The following SNED1 variants were observed in gnomAD, a reference collection of about 807,000 sequenced individuals.
The protein encoded by SNED1 is sushi, nidogen and EGF like domains 1, also known as sushi, nidogen and EGF-like domain-containing protein 1.
In SNED1, 81 loss-of-function variants were observed where a neutral mutation model predicts 166.7. The observed-to-expected ratio is 0.49, with a 90% CI of 0.41 to 0.58. The LOEUF (loss-of-function observed/expected upper bound fraction) is 0.58. Ranked by LOEUF, SNED1 falls within the 20% of genes least tolerant of loss-of-function variation. The pLI, the probability that SNED1 is intolerant of heterozygous loss-of-function variation, is 0.00. For missense variants in SNED1, 1,604 were observed against 2,000.2 expected (o/e 0.80, Z 3.78); for synonymous variants, 762 against 822.0 (o/e 0.93, Z 1.25).
In SNED1 at chr2:241,049,927, G is replaced by A. The variant is rs1574986027; in HGVS notation, c.1729G>A (p.Glu577Lys). ...CPRGFHGKHC[E>K]KARPHLCSSG... is the part of the protein sequence containing the mutation. ...GCGCGGGTTCCACGGCAAGCACTGC[G>A]AGAAAGGTATGGCGGGCAGGGGCGT... Residue 577 changes from glutamate to lysine, a missense_variant, in exon 12 of 32, where the codon GAG becomes AAG. Around this residue, in one of 2 missense-constraint regions of SNED1, gnomAD observed 1,237 missense variants for 1,620.8 expected, o/e 0.76. Transcript: ENST00000310397. The A allele has an allele frequency of 2.5e-6, 4 of 1,613,136 alleles. No homozygotes were observed. The highest frequency in any genetic ancestry group is 3.4e-6 in the Non-Finnish European group (4 of 1,179,284).
chr2:241,062,785 T>C lies in SNED1; in HGVS notation c.2258-6T>C. On this transcript the variant is annotated splice_polypyrimidine_tract_variant and splice_region_variant and intron_variant, in intron 16 of 31. Coordinates refer to ENST00000310397, the MANE Select transcript of SNED1 (RefSeq NM_001080437.3). ...ATTGCTTTATTCTTGGGCTCTCTCC[T>C]CTCAGAAATCGATGAGTGCCGGTCT... is the stretch of plus-strand genomic sequence containing the variant. 1 of 1,600,662 alleles carries C rather than the reference T, an allele frequency of 6.2e-7. No homozygotes were observed. Among genetic ancestry groups the C allele is most frequent in the Non-Finnish European group, 8.5e-7 (1 of 1,171,706 alleles).
chr2:241,065,943 G>A (rs1428779568), intron 21 of SNED1, among the ~76,000 whole-genome samples: 4 of 150,704 alleles, frequency 2.7e-5, no homozygotes, highest in South Asian at 2.1e-4. Context: ...CAGGGGCCGC[G>A]GGGGTGGGCT....
In SNED1 at chr2:241,053,144, G is replaced by C; in HGVS notation, c.2084-9G>C. 2 of 1,607,116 alleles carry C rather than the reference G, an allele frequency of 1.2e-6. No individual in the cohort carries two copies. Among genetic ancestry groups the C allele is most frequent in the Admixed American group, 1.7e-5 (1 of 59,440 alleles). On this transcript the variant is annotated splice_polypyrimidine_tract_variant and intron_variant, in intron 15 of 31. Transcript: ENST00000310397. ...AGGACCGTGCGAGACAGGCTGCCGT[G>C]CCTTGCAGAGGTGGACTGCGGCCCC...
At chr2:241,065,818 T>G (rs1008969029) in intron 21 of SNED1, among the ~76,000 whole-genome samples, 2 of 151,880 alleles carry the variant, frequency 1.3e-5, no homozygotes, top group African/African-American at 4.8e-5. Flanking sequence ...TTGGGGCGCA[T>G]AGAATCGAGC....
At position 241,033,724 on chromosome 2, in the gene SNED1, C is replaced by T. The variant is rs781541128; in HGVS notation, c.502-11C>T. The T allele has an allele frequency of 1.2e-6, 2 of 1,609,024 alleles. No homozygotes were observed. The highest frequency in any genetic ancestry group is 1.3e-5 in the African/African-American group (1 of 75,020). The stretch of plus-strand genomic sequence containing the variant: ...AGTGCAGGGCCCTGTTCAGCCCCCT[C>T]TCCCCGGCAGGTCAACACATTCCAG... On this transcript the variant is annotated splice_polypyrimidine_tract_variant and intron_variant, in intron 2 of 31. Transcript: ENST00000310397.
chr2:241,030,706 A>G (rs938215924), intron 2 of SNED1, 135 bp downstream of exon 2: 2 of 951,072 alleles, frequency 2.1e-6, no homozygotes, highest in African/African-American at 3.3e-5. Context: ...ACACGTGGTC[A>G]AAACCACAGA....
intron 16 of SNED1, among the ~76,000 whole-genome samples, chr2:241,062,046 T>C (rs944277702): frequency 2.6e-5 from 4 of 152,078 alleles, no homozygotes; most frequent in Non-Finnish European, 4.4e-5. Flanking sequence ...GAGAAGACAA[T>C]ATATATCATG....
Position 241,039,473 on chromosome 2 carries a change from G to A in SNED1, c.1046-602G>A, listed in dbSNP as rs184287523. 1.3e-3 allele frequency among the ~76,000 whole-genome samples: 195 copies of A among 152,274 alleles called. 1 individual carries two copies. The highest frequency in any genetic ancestry group is 6.8e-3 in the Middle Eastern group (2 of 294). ...GTCTGGCTCTGCTGGCCAGGGCAAA[G>A]GAGAGACCTGGGATGTGTGGGCCAG... On this transcript the variant is annotated intron_variant, in intron 6 of 31. Coordinates refer to ENST00000310397, the MANE Select transcript of SNED1 (RefSeq NM_001080437.3).
intron 31 of SNED1, chr2:241,090,354 C>A (rs937086072): frequency 1.3e-6 from 2 of 1,550,288 alleles, no homozygotes; most frequent in Non-Finnish European, 1.7e-6. Flanking sequence ...GCTGCCACCT[C>A]CTGTGACAAT....
chr2:241,064,138 GCCTGCCTGCTC>G lies in SNED1; in HGVS notation c.2599+16_2599+26del. ...CACTGCGAGACAGGTAGGGCGGCAG[GCCTGCCTGCTC>G]CCCGCCCTCTGCCCGCCTGCTCCCC... On this transcript the variant is annotated intron_variant, in intron 19 of 31. Coordinates refer to ENST00000310397, the MANE Select transcript of SNED1 (RefSeq NM_001080437.3). This position sits in a 1 kb window ranked among gnomAD's most constrained non-coding sequence, Gnocchi z 7.0. 1 of 1,495,278 alleles carries G rather than the reference GCCTGCCTGCTC, an allele frequency of 6.7e-7. No individual in the cohort carries two copies. Among genetic ancestry groups the G allele is most frequent in the Non-Finnish European group, 9.0e-7 (1 of 1,114,654 alleles). 92.6% of individuals were successfully genotyped at this position (1,495,278 alleles called of 1,614,324 possible).
At position 241,064,190 on chromosome 2, in the gene SNED1, G is replaced by A. The variant is rs952214984; in HGVS notation, c.2599+65G>A. 4.4e-4 allele frequency: 507 copies of A among 1,153,808 alleles called. No homozygotes were observed. Among genetic ancestry groups the A allele is most frequent in the Non-Finnish European group, 3.0e-4 (249 of 828,942 alleles). 71.5% of individuals were successfully genotyped at this position (1,153,808 alleles called of 1,614,324 possible). On this transcript the variant is annotated intron_variant, in intron 19 of 31. Transcript: ENST00000310397. The surrounding 1 kb of genome is among the most constrained non-coding windows in gnomAD (Gnocchi z 7.0). ...CCTGCTCCCCGCCCTCTGCCCGCCT[G>A]CTGCCCGCCCTCTGCCCGCCTGCTC... is the stretch of plus-strand genomic sequence containing the variant.
Position 241,072,188 on chromosome 2 carries a change from A to C in SNED1, c.3817+310A>C, listed in dbSNP as rs1254975689. Reference sequence around the variant, plus strand: ...AGGTCTGAGACATTACAGCAGCTTTATTTGCCAAAGTAGGGCTCTGAGCTT... The same window carrying C: ...AGGTCTGAGACATTACAGCAGCTTTCTTTGCCAAAGTAGGGCTCTGAGCTT... On this transcript the variant is annotated intron_variant, in intron 26 of 31. Coordinates refer to ENST00000310397, the MANE Select transcript of SNED1 (RefSeq NM_001080437.3). The C allele has an allele frequency of 6.5e-6, 4 of 611,220 alleles. No individual in the cohort carries two copies. The Admixed American group carries it at 8.5e-5, about 13-fold the overall frequency. The allele number at this position is 611,220 out of a possible 1,614,324, so 37.9% of individuals were successfully genotyped here. A position where few individuals can be genotyped will look rare whatever the true frequency, so the allele number is the denominator to read the frequency against.
In SNED1 at chr2:241,052,301, G is replaced by A; in HGVS notation, c.1970-54G>A. ...TGCAGGAGGCAGGATGCCCCACACA[G>A]TCCCGAGCCTTCAGGGAAGACACAG... On this transcript the variant is annotated intron_variant, in intron 14 of 31. Transcript: ENST00000310397. The A allele has an allele frequency of 3.3e-6, 5 of 1,501,520 alleles. No homozygotes were observed. The South Asian group carries it at 6.2e-5, about 19-fold the overall frequency. 93.0% of individuals were successfully genotyped at this position (1,501,520 alleles called of 1,614,324 possible).
chr2:241,052,060 C>T lies in SNED1; in HGVS notation c.1872C>T (p.Ala624=). The T allele has an allele frequency of 6.2e-7, 1 of 1,613,830 alleles. No individual in the cohort carries two copies. Among genetic ancestry groups the T allele is most frequent in the East Asian group, 2.2e-5 (1 of 44,868 alleles). ...HCEIGKPDSC[A]SGPCHNGGTC... is the part of the protein sequence containing the mutation. ...TTCCAGGGAAGCCAGACTCGTGTGC[C>T]TCTGGCCCCTGTCACAACGGCGGCA... The change falls in exon 14 of 32, where the codon GCC becomes GCT. Residue 624 remains alanine, a synonymous_variant. Transcript: ENST00000310397.
chr2:241,022,150 G>A (rs111408951), intron 1 of SNED1, among the ~76,000 whole-genome samples: 1 of 152,052 alleles, frequency 6.6e-6, no homozygotes, highest in Admixed American at 6.6e-5. Context: ...ATTATGATTT[G>A]CAGGTACATT....
chr2:241,064,097 G>C lies in SNED1; in HGVS notation c.2571G>C (p.Glu857Asp). 6.4e-7 allele frequency: 1 copy of C among 1,567,120 alleles called. No homozygotes were observed. Among genetic ancestry groups the C allele is most frequent in the Non-Finnish European group, 8.6e-7 (1 of 1,157,474 alleles). ...GGGAYLCVCP[E>D]SFFGYHCETV... ...GGGCCTACCTGTGCGTCTGCCCAGA[G>C]AGCTTCTTCGGCTACCACTGCGAGA... is the stretch of plus-strand genomic sequence containing the variant. Residue 857 changes from glutamate (E) to aspartate (D), a missense_variant, in exon 19 of 32, where the codon GAG becomes GAC. Coordinates refer to ENST00000310397, the MANE Select transcript of SNED1 (RefSeq NM_001080437.3). The surrounding 1 kb of genome is among the most constrained non-coding windows in gnomAD (Gnocchi z 7.0).
At position 241,067,914 on chromosome 2, in the gene SNED1, A is replaced by ATGTGGACAGGAG. The variant is rs1159616228; in HGVS notation, c.3172_3183dup (p.Ser1058_Arg1061dup). 4 of 1,607,098 alleles carry ATGTGGACAGGAG rather than the reference A, an allele frequency of 2.5e-6. No individual in the cohort carries two copies. Among genetic ancestry groups the ATGTGGACAGGAG allele is most frequent in the Non-Finnish European group, 3.4e-6 (4 of 1,176,428 alleles). ...GAGGCCCTCAGGGACCAGGCCACCGATGTGGACAGGAGTGTGGACAGGTTC... is the reference window on the plus strand; with the variant it reads ...GAGGCCCTCAGGGACCAGGCCACCGATGTGGACAGGAGTGTGGACAGGAGTGTGGACAGGTTC... On this transcript the variant is annotated inframe_insertion, in exon 22 of 32. Transcript: ENST00000310397.
In SNED1 at chr2:241,018,876, C is replaced by T. The variant is rs971068532; in HGVS notation, c.214-11408C>T. Among the ~76,000 whole-genome samples the T allele has an allele frequency of 6.6e-6, 1 of 152,172 alleles. No homozygotes were observed. The highest frequency in any genetic ancestry group is 6.5e-5 in the Admixed American group (1 of 15,274). On this transcript the variant is annotated intron_variant, in intron 1 of 31. Coordinates refer to ENST00000310397, the MANE Select transcript of SNED1 (RefSeq NM_001080437.3). The surrounding 1 kb of genome is among the most constrained non-coding windows in gnomAD (Gnocchi z 5.4). Reference sequence around the variant, plus strand: ...CCACCTGGAGAGCAAACCAACCAGGCGGGCTGGGGCAGCTGTCAGGGAAAG... The same window carrying T: ...CCACCTGGAGAGCAAACCAACCAGGTGGGCTGGGGCAGCTGTCAGGGAAAG...
At chr2:241,052,585 G>A in intron 15 of SNED1, 117 bp downstream of exon 15, 1 of 806,030 alleles carries the variant, frequency 1.2e-6, no homozygotes, top group Admixed American at 2.1e-5. Flanking sequence ...GAGAGGGCCA[G>A]GGGGCCAAGC....
Sources: gnomAD v4.1 joint callset for allele counts (sites outside exome capture counted in the v4.1 genomes callset) on GRCh38, gnomAD v4.1.1 for gene constraint, gnomAD v4.1.1 regional missense constraint, Gnocchi (gnomAD v3.1) non-coding constraint, MANE v1.5 for transcripts, NCBI Gene and HGNC (gene_info 2026-07-23, HGNC 2026-07-21) for gene names.